Variants in BIK observed in about 807,000 individuals in gnomAD.
BIK encodes the protein BCL2 interacting killer, also known as bcl-2-interacting killer.
In BIK, 14 loss-of-function variants were observed where a neutral mutation model predicts 12.1. The observed-to-expected ratio is 1.16, with a 90% CI of 0.77 to 1.81. The LOEUF (loss-of-function observed/expected upper bound fraction) is 1.81, where lower values mean the gene tolerates loss of function less well. Ranked by LOEUF, BIK falls within the 40% of genes most tolerant of loss-of-function variation. BIK has a pLI of 0.00. For missense variants in BIK, 215 were observed against 207.9 expected (o/e 1.03, Z -0.21); for synonymous variants, 86 against 92.3 (o/e 0.93, Z 0.39).
In BIK at chr22:43,127,779, G is replaced by A. The variant is rs760777606; in HGVS notation, c.244G>A (p.Glu82Lys). Residue 82 changes from glutamate (E) to lysine (K), a missense_variant, in exon 3 of 5, where the codon GAG (glutamate) becomes AAG (lysine). Glu to Lys is a moderately conservative substitution (Grantham distance 56). Coordinates refer to ENST00000216115, the MANE Select transcript of BIK (RefSeq NM_001197.5). ...LRAPRLAQLS[E>K]VAMHSLGLAF... ...GGCCCCGCGCCTGGCCCAGCTCTCC[G>A]AGGTGGCCATGCACAGGTAGCCGGC... The A allele has an allele frequency of 1.8e-5, 28 of 1,551,854 alleles. No individual in the cohort carries two copies. The highest frequency in any genetic ancestry group is 1.7e-4 in the Middle Eastern group (1 of 5,946).
At chr22:43,123,880 T>G in intron 1 of BIK, 136 bp from the exon 2 acceptor site, 5 of 852,816 alleles carry the variant, frequency 5.9e-6, no homozygotes, top group Non-Finnish European at 5.3e-6. Flanking sequence ...GGAGCTGGGG[T>G]TGGGGGATAT....
intron 1 of BIK, among the ~76,000 whole-genome samples, chr22:43,115,637 A>AT (rs1930097144): frequency 6.6e-6 from 1 of 151,586 alleles, no homozygotes. Context: ...TAGTTTTTGT[A>AT]TTTTTAGTAG....
chr22:43,113,627 C>T (rs1167420164), intron 1 of BIK, among the ~76,000 whole-genome samples: 1 of 146,078 alleles, frequency 6.8e-6, no homozygotes, highest in Non-Finnish European at 1.5e-5. Context: ...CTTTTTTTTT[C>T]CCCCATTTCT....
At chr22:43,114,077 G>A (rs761529023) in intron 1 of BIK, among the ~76,000 whole-genome samples, 6 of 152,136 alleles carry the variant, frequency 3.9e-5, no homozygotes, top group Non-Finnish European at 7.4e-5. Flanking sequence ...GGAGAGGGGC[G>A]GGCACACAGG....
chr22:43,125,774 C>T (rs1478337088), intron 2 of BIK, among the ~76,000 whole-genome samples: 1 of 152,070 alleles, frequency 6.6e-6, no homozygotes, highest in Non-Finnish European at 1.5e-5. Context: ...AAAACCAGAA[C>T]CTATGGAAGA....
intron 1 of BIK, among the ~76,000 whole-genome samples, chr22:43,115,220 G>T (rs11704142): frequency 0.012 from 1,876 of 152,240 alleles, 13 homozygotes; most frequent in Non-Finnish European, 0.018. Flanking sequence ...GGGGAGGGTG[G>T]GGAGGAAGTG....
rs781519757 is a variant in BIK, at chr22:43,128,626, G to T, written c.390+1G>T. 2 of 1,606,268 alleles carry T rather than the reference G, an allele frequency of 1.2e-6. No individual in the cohort carries two copies. Among genetic ancestry groups the T allele is most frequent in the African/African-American group, 2.7e-5 (2 of 74,666 alleles). Reference sequence around the variant, plus strand: ...GAGATCCCCGAACCCCGGGTCCTGGGTAAGAGCCTTGAGATCCCTGACCCT... The same window carrying T: ...GAGATCCCCGAACCCCGGGTCCTGGTTAAGAGCCTTGAGATCCCTGACCCT... On this transcript the variant is annotated splice_donor_variant, in intron 4 of 4. Transcript: ENST00000216115. LOFTEE classifies it high-confidence loss of function.
chr22:43,129,108 C>T (rs1476621477), intron 4 of BIK, 105 bp from the exon 5 acceptor site: 3 of 1,584,038 alleles, frequency 1.9e-6, no homozygotes, highest in Non-Finnish European at 2.6e-6. Context: ...GAGCTCCTTC[C>T]CAGTCCCCAC....
At chr22:43,124,217 GA>G in intron 2 of BIK, 34 bp downstream of exon 2, 1 of 1,609,136 alleles carries the variant, frequency 6.2e-7, no homozygotes. Context: ...CCCCCTGCCT[GA>G]TAGTGACTTC....
chr22:43,129,305 AGGCCCCGGCGGCTCAGGGCGGGGCT>A lies in BIK; in HGVS notation c.*7_*31del, dbSNP rs757149765. The stretch of plus-strand genomic sequence containing the variant: ...GGGGCCTGCACCTGCTGCTCAAGTG[AGGCCCCGGCGGCTCAGGGCGGGGCT>A]GGCCCCACCCCCATGACCACTGCCC... On this transcript the variant is annotated 3_prime_UTR_variant, in exon 5 of 5. Transcript: ENST00000216115. 7 of 1,598,322 alleles carry A rather than the reference AGGCCCCGGCGGCTCAGGGCGGGGCT, an allele frequency of 4.4e-6. No homozygotes were observed. In the Admixed American group the frequency reaches 1.0e-4, roughly 23 times the overall value.
chr22:43,128,348 G>A (rs1407659126), intron 3 of BIK, 148 bp from the exon 4 acceptor site: 2 of 963,404 alleles, frequency 2.1e-6, no homozygotes, highest in Non-Finnish European at 3.1e-6. Flanking sequence ...TGCAGGTGGA[G>A]GCGCCCACGG....
intron 2 of BIK, among the ~76,000 whole-genome samples, chr22:43,125,303 C>G (rs1353012972): frequency 3.3e-5 from 5 of 152,164 alleles, no homozygotes; most frequent in Admixed American, 3.3e-4. Context: ...ACTTAGAATT[C>G]CTAGCCTCCT....
rs1373445820 is a variant in BIK, at chr22:43,127,685, T to C, written c.162-12T>C. The C allele has an allele frequency of 6.5e-7, 1 of 1,548,216 alleles. No individual in the cohort carries two copies. The highest frequency in any genetic ancestry group is 8.7e-7 in the Non-Finnish European group (1 of 1,145,558). Reference sequence around the variant, plus strand: ...CACAGCCACACCCGACTCCTGTGTGTGCTCCCTGCAGTGACGCATTGGCCC... The same window carrying C: ...CACAGCCACACCCGACTCCTGTGTGCGCTCCCTGCAGTGACGCATTGGCCC... On this transcript the variant is annotated splice_polypyrimidine_tract_variant and intron_variant, in intron 2 of 4. Transcript: ENST00000216115.
chr22:43,127,261 A>G (rs969384095), intron 2 of BIK, among the ~76,000 whole-genome samples: 9 of 152,054 alleles, frequency 5.9e-5, no homozygotes, highest in African/African-American at 2.2e-4. Context: ...ACCTCCCACA[A>G]AGGAAGGTAA....
chr22:43,126,502 AT>A (rs1930319371), intron 2 of BIK, among the ~76,000 whole-genome samples: 1 of 152,012 alleles, frequency 6.6e-6, no homozygotes, highest in South Asian at 2.1e-4. Flanking sequence ...TGGCACTTTC[AT>A]TCTTCCCCTG....
intron 1 of BIK, among the ~76,000 whole-genome samples, chr22:43,115,621 C>G (rs1569464364): frequency 6.6e-6 from 1 of 152,116 alleles, no homozygotes; most frequent in South Asian, 2.1e-4. Flanking sequence ...CGCCACCACG[C>G]CTGGCTAGTT....
intron 1 of BIK, among the ~76,000 whole-genome samples, chr22:43,122,205 G>T (rs1930233374): frequency 6.6e-6 from 1 of 152,192 alleles, no homozygotes; most frequent in Non-Finnish European, 1.5e-5. Context: ...AAGCCTCAGT[G>T]TCCTGTGTGA....
At chr22:43,127,890 A>G (rs973855535) in intron 3 of BIK, 95 bp downstream of exon 3, 6 of 1,216,508 alleles carry the variant, frequency 4.9e-6, no homozygotes, top group South Asian at 1.4e-5. Flanking sequence ...GCCCTGAGGA[A>G]GCTCTGTGGG....
At chr22:43,120,080 G>A (rs1172800833) in intron 1 of BIK, among the ~76,000 whole-genome samples, 2 of 152,246 alleles carry the variant, frequency 1.3e-5, no homozygotes, top group African/African-American at 4.8e-5. Context: ...TTGGAGGCAT[G>A]GCAGGACCAG....
Sources: gnomAD v4.1 joint callset for allele counts (sites outside exome capture counted in the v4.1 genomes callset) on GRCh38, gnomAD v4.1.1 for gene constraint, MANE v1.5 for transcripts, NCBI Gene and HGNC (gene_info 2026-07-23, HGNC 2026-07-21) for gene names.